Variants in DLC1 observed in about 807,000 individuals in gnomAD.
The protein encoded by DLC1 is rho GTPase-activating protein 7.
A neutral mutation model predicts 140.3 loss-of-function variants in DLC1; 54 were observed. The ratio of observed to expected loss-of-function variants is 0.38; its 90% confidence interval spans 0.31 to 0.48. The LOEUF (loss-of-function observed/expected upper bound fraction) is 0.48. Among genes scored for constraint, DLC1 ranks in the 20% least tolerant of loss-of-function variants. DLC1 has a pLI of 0.96. For missense variants in DLC1, 2,536 were observed against 1,907.0 expected (o/e 1.33, Z -6.14); for synonymous variants, 986 against 728.1 (o/e 1.35, Z -5.70).
chr8:13,393,528 C>T, intron 4 of DLC1, 25 bp downstream of exon 4: 1 of 1,605,998 alleles, frequency 6.2e-7, no homozygotes, highest in Non-Finnish European at 8.5e-7. Context: ...CACGTAGAGA[C>T]TCTCTGTTAT....
At chr8:13,360,617 A>C (rs189463168) in intron 4 of DLC1, among the ~76,000 whole-genome samples, 1 of 152,224 alleles carries the variant, frequency 6.6e-6, no homozygotes, top group Admixed American at 6.5e-5. Flanking sequence ...GTTGAGAACC[A>C]CTGAGAATCA....
chr8:13,267,760 GTGT>G (rs1830750771), intron 5 of DLC1, among the ~76,000 whole-genome samples: 1 of 151,372 alleles, frequency 6.6e-6, no homozygotes, highest in Admixed American at 6.6e-5. Context: ...GTGTGTGTGT[GTGT>G]GTGTGTGTGC....
intron 4 of DLC1, among the ~76,000 whole-genome samples, chr8:13,359,150 A>G (rs891579691): frequency 6.6e-6 from 1 of 152,190 alleles, no homozygotes; most frequent in African/African-American, 2.4e-5. Flanking sequence ...CGTGTTAGCC[A>G]GGATGGTCTC....
At chr8:13,292,781 C>T (rs1303040343) in intron 5 of DLC1, among the ~76,000 whole-genome samples, 3 of 152,086 alleles carry the variant, frequency 2.0e-5, no homozygotes, top group African/African-American at 7.2e-5. Flanking sequence ...AAAAATGCAT[C>T]AATTGTGTCA....
chr8:13,206,812 G>A (rs1305127516), intron 5 of DLC1, among the ~76,000 whole-genome samples: 1 of 151,956 alleles, frequency 6.6e-6, no homozygotes, highest in Non-Finnish European at 1.5e-5. Context: ...ACAGAGGTTT[G>A]CTGGTTATCT....
chr8:13,175,023 A>T (rs1249711475), intron 5 of DLC1, among the ~76,000 whole-genome samples: 1 of 119,326 alleles, frequency 8.4e-6, no homozygotes. Context: ...CCTTTAATCC[A>T]TCTTCAGTTA....
At chr8:13,566,198 G>C (rs1340598293) in intron 1 of DLC1, among the ~76,000 whole-genome samples, 1 of 152,072 alleles carries the variant, frequency 6.6e-6, no homozygotes, top group East Asian at 1.9e-4. Context: ...GGCAGGGGTG[G>C]GTATTAAGCC....
Position 13,547,974 on chromosome 8 carries a change from C to T in DLC1, c.-125-47778G>A, listed in dbSNP as rs191048256. On this transcript the variant is annotated intron_variant, in intron 1 of 1. Transcript: ENST00000631382. ...GTTTAACACCTTTAAAAATTATTCT[C>T]AACCACCTATAGTTCTACATGCATG... Among the ~76,000 whole-genome samples the T allele has an allele frequency of 2.8e-4, 43 of 152,084 alleles. No individual in the cohort carries two copies. The East Asian group carries it at 8.1e-3, about 29-fold the overall frequency.
chr8:13,227,586 T>C (rs1431145856), intron 5 of DLC1, among the ~76,000 whole-genome samples: 1 of 152,186 alleles, frequency 6.6e-6, no homozygotes, highest in Non-Finnish European at 1.5e-5. Flanking sequence ...AGTAAATTAG[T>C]GGTAGCCTCT....
intron 5 of DLC1, among the ~76,000 whole-genome samples, chr8:13,190,315 C>G (rs918054782): frequency 7.2e-5 from 11 of 152,060 alleles, no homozygotes; most frequent in Non-Finnish European, 1.5e-4. Flanking sequence ...TGGGGTGCCT[C>G]TGGTGTGAGC....
In DLC1 at chr8:13,100,006, C is replaced by T. The variant is rs892538546; in HGVS notation, c.2331G>A (p.Glu777=). 6.2e-6 allele frequency: 10 copies of T among 1,612,560 alleles called. No homozygotes were observed. The African/African-American group carries it at 1.1e-4, about 17-fold the overall frequency. ...TTGACTGATTGAAAGGATCGAAGCCCTCTAAGTACATGCCCACCCGCTTGT... is the reference window on the plus strand; with the variant it reads ...TTGACTGATTGAAAGGATCGAAGCCTTCTAAGTACATGCCCACCCGCTTGT... ...ACNKRVGMYL[E]GFDPFNQSTF... is the part of the protein sequence containing the mutation. Residue 777 remains glutamate, a synonymous_variant, in exon 9 of 18, where the codon GAG becomes GAA. Transcript: ENST00000276297.
intron 5 of DLC1, among the ~76,000 whole-genome samples, chr8:13,282,965 C>CA (rs1246607031): frequency 1.3e-5 from 2 of 152,148 alleles, no homozygotes; most frequent in African/African-American, 4.8e-5. Flanking sequence ...TAAAGAATGA[C>CA]AGACATTGTT....
At chr8:13,473,959 C>T (rs963730810) in intron 2 of DLC1, among the ~76,000 whole-genome samples, 1 of 152,158 alleles carries the variant, frequency 6.6e-6, no homozygotes, top group Non-Finnish European at 1.5e-5. Flanking sequence ...AAAAGAAAAT[C>T]CCATTTTCCG....
intron 4 of DLC1, among the ~76,000 whole-genome samples, chr8:13,373,772 C>T (rs1014499885): frequency 2.6e-5 from 4 of 151,938 alleles, no homozygotes; most frequent in South Asian, 2.1e-4. Flanking sequence ...TCTTCATGAA[C>T]GTCTTTAAAA....
At chr8:13,604,233 T>C (rs1450631140) in intron 1 of DLC1, among the ~76,000 whole-genome samples, 1 of 152,148 alleles carries the variant, frequency 6.6e-6, no homozygotes, top group Non-Finnish European at 1.5e-5. Context: ...TCCAAAAAAT[T>C]ATGTGACAGA....
chr8:13,443,317 A>C (rs1287254678), intron 2 of DLC1, among the ~76,000 whole-genome samples: 2 of 146,300 alleles, frequency 1.4e-5, no homozygotes, highest in Non-Finnish European at 3.0e-5. Context: ...ACTAACCTGC[A>C]CTTTGTGCAT....
chr8:13,127,888 C>A (rs1321576896), intron 5 of DLC1, among the ~76,000 whole-genome samples: 1 of 152,244 alleles, frequency 6.6e-6, no homozygotes, highest in Non-Finnish European at 1.5e-5. Context: ...GTGCCAAAGG[C>A]ATCTGAGGAC....
chr8:13,188,833 A>ATATATATATATATATATGTATATG (rs1826563423), intron 5 of DLC1, among the ~76,000 whole-genome samples: 1 of 26,532 alleles, frequency 3.8e-5, no homozygotes, highest in Non-Finnish European at 7.6e-5. Context: ...ATATGTATAT[A>ATATATATATATATATATGTATATG]TATATATATA....
chr8:13,546,232 C>T (rs1803643808), intron 1 of DLC1, among the ~76,000 whole-genome samples: 1 of 152,028 alleles, frequency 6.6e-6, no homozygotes, highest in Admixed American at 6.6e-5. Context: ...ATTCTAAATA[C>T]TCATGGAATT....
Sources: gnomAD v4.1 joint callset for allele counts (sites outside exome capture counted in the v4.1 genomes callset) on GRCh38, gnomAD v4.1.1 for gene constraint, MANE v1.5 for transcripts, NCBI Gene and HGNC (gene_info 2026-07-23, HGNC 2026-07-21) for gene names.